Variants in FHIT observed in about 807,000 individuals in gnomAD.
FHIT encodes bis(5'-adenosyl)-triphosphatase.
A neutral mutation model predicts 17.9 loss-of-function variants in FHIT; 19 were observed. The observed-to-expected ratio is 1.06, with a 90% CI of 0.74 to 1.56. The LOEUF is 1.56. Ranked by LOEUF, FHIT falls within the 40% of genes most tolerant of loss-of-function variation. The pLI is 0.00. For missense variants in FHIT, 248 were observed against 189.2 expected (o/e 1.31, Z -1.82); for synonymous variants, 81 against 69.7 (o/e 1.16, Z -0.81).
chr3:60,821,608 A>G (rs534887386), intron 4 of FHIT, among the ~76,000 whole-genome samples: 10 of 152,312 alleles, frequency 6.6e-5, no homozygotes, highest in Admixed American at 2.6e-4. Context: ...AGGATAATAT[A>G]ATGGCATGTC....
At chr3:59,905,503 T>C (rs1704545908) in intron 8 of FHIT, among the ~76,000 whole-genome samples, 6 of 152,314 alleles carry the variant, frequency 3.9e-5, no homozygotes, top group Admixed American at 1.3e-4. Context: ...GCCTCTCACG[T>C]AGTAAGCCTT....
At chr3:60,145,728 C>T (rs547489174) in intron 5 of FHIT, among the ~76,000 whole-genome samples, 7 of 152,200 alleles carry the variant, frequency 4.6e-5, no homozygotes, top group African/African-American at 1.7e-4. Context: ...TATCCTGGTC[C>T]CCTTTATCTA....
intron 4 of FHIT, among the ~76,000 whole-genome samples, chr3:60,573,086 A>G (rs1386825538): frequency 6.6e-6 from 1 of 152,152 alleles, no homozygotes; most frequent in African/African-American, 2.4e-5. Context: ...CCCAAGGCCA[A>G]AGTTTAGACT....
chr3:59,972,566 G>A (rs532283965), intron 7 of FHIT, among the ~76,000 whole-genome samples: 4 of 152,166 alleles, frequency 2.6e-5, no homozygotes, highest in Admixed American at 1.3e-4. Context: ...CACGGGGCCA[G>A]TCAGCTTTTT....
At position 60,763,535 on chromosome 3, in the gene FHIT, T is replaced by C. The variant is rs540189307; in HGVS notation, c.-18+58384A>G. Among the ~76,000 whole-genome samples, 6 of 152,296 alleles carry C rather than the reference T, an allele frequency of 3.9e-5. No homozygotes were observed. In the East Asian group the frequency reaches 5.8e-4, roughly 15 times the overall value. On this transcript the variant is annotated intron_variant, in intron 4 of 9. Coordinates refer to ENST00000492590, the MANE Select transcript of FHIT (RefSeq NM_002012.4). Reference sequence around the variant, plus strand: ...TTTTGGTGCCCATTTGGCATATGGGTGAAAACTTGTCACCGGACATATAGC... The same window carrying C: ...TTTTGGTGCCCATTTGGCATATGGGCGAAAACTTGTCACCGGACATATAGC...
chr3:60,540,722 T>C (rs781371320), intron 4 of FHIT, among the ~76,000 whole-genome samples: 8 of 152,184 alleles, frequency 5.3e-5, no homozygotes, highest in Non-Finnish European at 1.0e-4. Flanking sequence ...TCTAATATTC[T>C]CAATGACACA....
chr3:60,237,789 T>C (rs191127729), intron 5 of FHIT, among the ~76,000 whole-genome samples: 158 of 152,272 alleles, frequency 1.0e-3, no homozygotes, highest in African/African-American at 3.7e-3. Context: ...GCTCTGGCTT[T>C]GAAAATACTG....
chr3:60,315,838 A>G (rs1709141595), intron 5 of FHIT, among the ~76,000 whole-genome samples: 1 of 152,206 alleles, frequency 6.6e-6, no homozygotes, highest in African/African-American at 2.4e-5. Flanking sequence ...ATCGCAGGGC[A>G]GTGCACTCAT....
intron 3 of FHIT, among the ~76,000 whole-genome samples, chr3:60,823,986 C>T (rs2106781451): frequency 6.6e-6 from 1 of 152,202 alleles, no homozygotes; most frequent in Non-Finnish European, 1.5e-5. Flanking sequence ...GGGAGAGTGG[C>T]AGGAAACCAG....
chr3:60,476,500 T>C (rs2033350315), intron 5 of FHIT, among the ~76,000 whole-genome samples: 1 of 152,002 alleles, frequency 6.6e-6, no homozygotes, highest in Non-Finnish European at 1.5e-5. Flanking sequence ...AGCTCAACGA[T>C]TGGGCAGAAA....
chr3:60,149,621 T>A (rs948891813), intron 5 of FHIT, among the ~76,000 whole-genome samples: 1 of 152,076 alleles, frequency 6.6e-6, no homozygotes, highest in Non-Finnish European at 1.5e-5. Flanking sequence ...TGTTGCCCCA[T>A]AGCCCCTTTC....
intron 3 of FHIT, among the ~76,000 whole-genome samples, chr3:61,034,915 G>C (rs2033170377): frequency 6.6e-6 from 1 of 152,088 alleles, no homozygotes. Context: ...TGAATCAAAG[G>C]ATAAGCAAAT....
At chr3:60,588,001 T>G (rs758867289) in intron 4 of FHIT, among the ~76,000 whole-genome samples, 13 of 151,944 alleles carry the variant, frequency 8.6e-5, no homozygotes, top group Non-Finnish European at 1.6e-4. Flanking sequence ...GCCTTTTCCC[T>G]AGCTATTACC....
chr3:61,179,732 A>AAAC (rs2038277312), intron 2 of FHIT, among the ~76,000 whole-genome samples: 1 of 150,252 alleles, frequency 6.7e-6, no homozygotes, highest in Admixed American at 6.6e-5. Flanking sequence ...AAAAAAAAAA[A>AAAC]ACCACCCAAA....
chr3:60,727,161 T>C lies in FHIT; in HGVS notation c.-18+94758A>G, dbSNP rs557878621. The stretch of plus-strand genomic sequence containing the variant: ...TAGAGAATGCAGAAAACAATTTCCC[T>C]TTCAGTTTGCCCACTTCTACCCATA... On this transcript the variant is annotated intron_variant, in intron 4 of 9. Transcript: ENST00000492590. 2.0e-5 allele frequency among the ~76,000 whole-genome samples: 3 copies of C among 152,242 alleles called. No individual in the cohort carries two copies. The East Asian group carries it at 5.8e-4, about 29-fold the overall frequency.
chr3:60,498,485 C>T (rs948807819), intron 5 of FHIT, among the ~76,000 whole-genome samples: 6 of 152,072 alleles, frequency 3.9e-5, no homozygotes, highest in East Asian at 1.9e-4. Flanking sequence ...GGGTTGGGAA[C>T]GACAAGGACA....
chr3:61,066,563 A>G (rs6808935), intron 2 of FHIT, among the ~76,000 whole-genome samples: 83,863 of 152,088 alleles, frequency 0.55, 24,244 homozygotes, highest in Non-Finnish European at 0.65. Context: ...TGCAGTGAGC[A>G]GAGATTGTGC....
At chr3:59,920,836 C>G (rs544217650) in intron 8 of FHIT, among the ~76,000 whole-genome samples, 2 of 152,250 alleles carry the variant, frequency 1.3e-5, no homozygotes, top group African/African-American at 4.8e-5. Flanking sequence ...AACTGCATTC[C>G]ACATCCAACG....
intron 3 of FHIT, among the ~76,000 whole-genome samples, chr3:60,936,598 T>C (rs1708199693): frequency 6.6e-6 from 1 of 152,218 alleles, no homozygotes; most frequent in Admixed American, 6.5e-5. Context: ...CCCCTTTCCA[T>C]GTGACTATCT....
Sources: gnomAD v4.1 joint callset for allele counts (sites outside exome capture counted in the v4.1 genomes callset) on GRCh38, gnomAD v4.1.1 for gene constraint, MANE v1.5 for transcripts, NCBI Gene and HGNC (gene_info 2026-07-23, HGNC 2026-07-21) for gene names.